The following PSMD1 variants were observed in gnomAD, a reference collection of about 807,000 sequenced individuals.
PSMD1 encodes proteasome 26S subunit, non-ATPase 1.
In PSMD1, 18 loss-of-function variants were observed where a neutral mutation model predicts 119.0. That is an observed-to-expected ratio of 0.15 (90% confidence interval 0.10 to 0.22). The LOEUF is 0.22. Ranked by LOEUF, PSMD1 falls within the 10% of genes least tolerant of loss-of-function variation. The probability of loss-of-function intolerance (pLI) is 1.00; values close to 1 mark genes in which losing one functional copy is unlikely to be tolerated. For missense variants in PSMD1, 702 were observed against 1,158.5 expected (o/e 0.61, Z 5.72); for synonymous variants, 374 against 396.6 (o/e 0.94, Z 0.68).
intron 4 of PSMD1, among the ~76,000 whole-genome samples, chr2:231,064,713 T>C (rs1693855470): frequency 1.3e-5 from 2 of 152,234 alleles, no homozygotes; most frequent in African/African-American, 4.8e-5. Flanking sequence ...TTGCCCGGGC[T>C]GGAGTGCAAT....
intron 16 of PSMD1, among the ~76,000 whole-genome samples, chr2:231,134,427 C>T (rs943823109): frequency 6.6e-6 from 1 of 152,164 alleles, no homozygotes; most frequent in Non-Finnish European, 1.5e-5. Flanking sequence ...CCCAGTTTTT[C>T]CAAATGTTTG....
chr2:231,077,788 G>C (rs151234264), intron 9 of PSMD1, among the ~76,000 whole-genome samples: 7 of 151,786 alleles, frequency 4.6e-5, no homozygotes, highest in Admixed American at 1.3e-4. Context: ...GTACCCCTTC[G>C]CAAAGTCATT....
At chr2:231,085,997 AT>A in intron 15 of PSMD1, among the ~76,000 whole-genome samples, 1 of 150,066 alleles carries the variant, frequency 6.7e-6, no homozygotes, top group South Asian at 2.1e-4. Context: ...AAATGTTCAT[AT>A]TTTGCAAAAG....
At chr2:231,141,872 A>G (rs184540941) in intron 17 of PSMD1, among the ~76,000 whole-genome samples, 162 of 151,354 alleles carry the variant, frequency 1.1e-3, no homozygotes, top group Non-Finnish European at 2.0e-3. Context: ...TTATTTATTT[A>G]TTTGTTTGTT....
intron 16 of PSMD1, among the ~76,000 whole-genome samples, chr2:231,098,758 G>A (rs149858344): frequency 6.6e-6 from 1 of 152,228 alleles, no homozygotes; most frequent in African/African-American, 2.4e-5. Context: ...CCTAAGAATT[G>A]GTCAATTTGG....
intron 6 of PSMD1, among the ~76,000 whole-genome samples, chr2:231,070,797 G>T (rs1694024752): frequency 6.6e-6 from 1 of 152,044 alleles, no homozygotes; most frequent in African/African-American, 2.4e-5. Context: ...GACTGGAGGT[G>T]TGCATGGGTT....
intron 19 of PSMD1, among the ~76,000 whole-genome samples, chr2:231,155,715 T>A (rs1004122116): frequency 6.6e-6 from 1 of 151,958 alleles, no homozygotes; most frequent in African/African-American, 2.4e-5. Context: ...ATTTGTCTAA[T>A]GGAGTTTTTT....
rs533569965 is a variant in PSMD1 at position 231,085,039 on chromosome 2, T to A, written c.1743T>A (p.Ser581=). Residue 581 remains serine (S), a synonymous_variant, in exon 15 of 25, where the codon TCT becomes TCA. Coordinates refer to ENST00000308696, the MANE Select transcript of PSMD1 (RefSeq NM_002807.4). ...CRDKDPILRR[S]GMYTVAMAYC... ...CTTAGGACCCAATTCTTCGAAGGTC[T>A]GGAATGTATACTGTAGCCATGGCTT... 6.2e-7 allele frequency: 1 copy of A among 1,613,754 alleles called. No individual in the cohort carries two copies. The highest frequency in any genetic ancestry group is 1.1e-5 in the South Asian group (1 of 91,086).
intron 16 of PSMD1, among the ~76,000 whole-genome samples, chr2:231,121,345 T>C (rs1192077651): frequency 6.6e-6 from 1 of 152,076 alleles, no homozygotes; most frequent in Non-Finnish European, 1.5e-5. Flanking sequence ...CCAGGCAACA[T>C]TGCCAGACTC....
At chr2:231,078,183 G>A (rs569402503) in intron 9 of PSMD1, among the ~76,000 whole-genome samples, 7 of 152,230 alleles carry the variant, frequency 4.6e-5, no homozygotes, top group Non-Finnish European at 8.8e-5. Flanking sequence ...CAGGAGAATC[G>A]CTTGAACCCA....
At chr2:231,158,289 G>A (rs142147344) in intron 19 of PSMD1, among the ~76,000 whole-genome samples, 25 of 152,114 alleles carry the variant, frequency 1.6e-4, no homozygotes, top group Non-Finnish European at 7.4e-5. Flanking sequence ...CAGCCTGGAC[G>A]ACAGAATGAG....
chr2:231,148,905 TTCTC>T (rs1263085349), intron 18 of PSMD1, among the ~76,000 whole-genome samples: 3 of 152,192 alleles, frequency 2.0e-5, no homozygotes, highest in Admixed American at 6.5e-5. Flanking sequence ...GGGGAGTAGA[TTCTC>T]AAGGCTACAG....
intron 16 of PSMD1, chr2:231,123,600 G>A: frequency 6.2e-7 from 1 of 1,614,088 alleles, no homozygotes; most frequent in Non-Finnish European, 8.5e-7. Flanking sequence ...GAGCTGCCCA[G>A]TGCAGTTTAT....
chr2:231,099,662 G>A (rs569437568), intron 16 of PSMD1, among the ~76,000 whole-genome samples: 1 of 152,196 alleles, frequency 6.6e-6, no homozygotes, highest in East Asian at 1.9e-4. Context: ...TCACCTTTTG[G>A]GGTGAGGCTC....
chr2:231,144,223 T>TAA, intron 17 of PSMD1, among the ~76,000 whole-genome samples: 1 of 151,530 alleles, frequency 6.6e-6, no homozygotes, highest in Non-Finnish European at 1.5e-5. Context: ...CACCCAACCT[T>TAA]ACGCTAATAT....
chr2:231,148,205 C>T (rs1344793401), intron 18 of PSMD1, among the ~76,000 whole-genome samples: 2 of 152,214 alleles, frequency 1.3e-5, no homozygotes, highest in African/African-American at 4.8e-5. Context: ...TGCTTTTGAT[C>T]TTCAACTGAG....
In PSMD1 at chr2:231,078,791, C is replaced by CTTTTTTTTT. The variant is rs748353083; in HGVS notation, c.1160+60_1160+68dup. On this transcript the variant is annotated intron_variant, in intron 10 of 24. Transcript: ENST00000308696. ...TTTCACTTTGGTTCAAAATCTTTTT[C>CTTTTTTTTT]TTTTTTTTTTTTTTTTTTTTTTTTG... 253 of 342,740 alleles carry CTTTTTTTTT rather than the reference C, an allele frequency of 7.4e-4. 1 individual carries two copies. The highest frequency in any genetic ancestry group is 3.0e-3 in the South Asian group (70 of 23,600). 21.2% of individuals were successfully genotyped at this position (342,740 alleles called of 1,614,324 possible).
intron 16 of PSMD1, among the ~76,000 whole-genome samples, chr2:231,104,545 A>G (rs957823954): frequency 1.4e-5 from 2 of 144,448 alleles, no homozygotes; most frequent in African/African-American, 5.8e-5. Flanking sequence ...AATCCTCTCT[A>G]TGTTCTCTAA....
chr2:231,136,970 T>A (rs901763608), intron 16 of PSMD1, among the ~76,000 whole-genome samples: 3 of 142,850 alleles, frequency 2.1e-5, no homozygotes, highest in Non-Finnish European at 3.0e-5. Context: ...TATATATATA[T>A]TATATATATT....
Sources: allele counts gnomAD v4.1 joint callset (sites outside exome capture counted in the v4.1 genomes callset), GRCh38; gene constraint gnomAD v4.1.1; transcripts MANE v1.5; gene names NCBI Gene and HGNC (gene_info 2026-07-23, HGNC 2026-07-21).